Variants in VPS53 observed in about 807,000 individuals in gnomAD.
VPS53 encodes the protein VPS53 subunit of GARP complex.
VPS53 carries 70 observed loss-of-function variants against 107.0 expected under a neutral mutation model. That is an observed-to-expected ratio of 0.65 (90% CI 0.54 to 0.80). The LOEUF (loss-of-function observed/expected upper bound fraction) is 0.80. VPS53 is among the 30% of genes least tolerant of loss of function. The pLI is 0.00. For missense variants in VPS53, 917 were observed against 1,049.4 expected (o/e 0.87, Z 1.74); for synonymous variants, 409 against 393.3 (o/e 1.04, Z -0.47).
At chr17:657,451 TG>T in intron 5 of VPS53, 2 of 1,085,362 alleles carry the variant, frequency 1.8e-6, no homozygotes, top group Non-Finnish European at 2.9e-6. Context: ...TGGGGACTGG[TG>T]GACGGACGAG....
intron 11 of VPS53, chr17:616,745 A>ATT (rs1969155466): frequency 2.0e-5 from 3 of 152,332 alleles, no homozygotes; most frequent in Non-Finnish European, 2.9e-5. Flanking sequence ...TGCAAACTTG[A>ATT]GTAAGCTCCT....
intron 5 of VPS53, among the ~76,000 whole-genome samples, chr17:658,908 A>G (rs1971328302): frequency 6.6e-6 from 1 of 152,176 alleles, no homozygotes; most frequent in Non-Finnish European, 1.5e-5. Context: ...CGACCTGCAC[A>G]GCTCAATTCC....
At chr17:707,930 G>A (rs970339189) in intron 2 of VPS53, among the ~76,000 whole-genome samples, 1 of 151,748 alleles carries the variant, frequency 6.6e-6, no homozygotes, top group African/African-American at 2.4e-5. Flanking sequence ...GATAAGCCTA[G>A]AGGACAGAGA....
chr17:595,155 C>G (rs113817624), intron 12 of VPS53, among the ~76,000 whole-genome samples: 14 of 84,090 alleles, frequency 1.7e-4, no homozygotes, highest in South Asian at 5.3e-4. Flanking sequence ...CCAATTTCCT[C>G]GTTTGATGAT....
At chr17:641,772 T>C (rs1283204835) in intron 7 of VPS53, among the ~76,000 whole-genome samples, 1 of 152,226 alleles carries the variant, frequency 6.6e-6, no homozygotes, top group Non-Finnish European at 1.5e-5. Context: ...TAGCCATTCT[T>C]GTGAAAGTCC....
At chr17:694,170 CCTTT>C (rs1367511436) in intron 4 of VPS53, among the ~76,000 whole-genome samples, 4 of 152,180 alleles carry the variant, frequency 2.6e-5, no homozygotes, top group African/African-American at 9.7e-5. Context: ...TTCTGGGCTT[CCTTT>C]CTGTCTGGAT....
At chr17:667,494 TG>T (rs372374469) in intron 4 of VPS53, among the ~76,000 whole-genome samples, 1,669 of 100,660 alleles carry the variant, frequency 0.017, 92 homozygotes, top group African/African-American at 0.071. Flanking sequence ...CATAATGTTC[TG>T]GGGGGGGCAA....
chr17:571,487 T>TCTCCCTCTCCCTACAG (rs1555554562), intron 13 of VPS53, among the ~76,000 whole-genome samples: 1 of 119,726 alleles, frequency 8.4e-6, no homozygotes, highest in Non-Finnish European at 2.0e-5. Context: ...CTCCCTCTCC[T>TCTCCCTCTCCCTACAG]TCTCCCTCTC....
chr17:671,934 A>G (rs1310317094), intron 4 of VPS53, among the ~76,000 whole-genome samples: 3 of 151,900 alleles, frequency 2.0e-5, no homozygotes, highest in African/African-American at 7.3e-5. Context: ...TGACCCGCTT[A>G]CCTCGGCCTC....
Position 564,747 on chromosome 17 carries a change from T to TATG in VPS53, c.1314-2005_1314-2003dup, listed in dbSNP as rs572302291. ...AAAAAAAACAAAAACCAAAACAGGG[T>TATG]ATGAGCAGCTCCAGACTTGCCTCAG... On this transcript the variant is annotated intron_variant, in intron 13 of 21. Transcript: ENST00000437048. 8.1e-3 allele frequency among the ~76,000 whole-genome samples: 1,231 copies of TATG among 151,322 alleles called. 9 individuals are homozygous for TATG. Among genetic ancestry groups the TATG allele is most frequent in the Non-Finnish European group, 0.012 (790 of 67,836 alleles).
intron 12 of VPS53, among the ~76,000 whole-genome samples, chr17:590,498 G>A (rs559367764): frequency 6.6e-6 from 1 of 152,010 alleles, no homozygotes; most frequent in East Asian, 1.9e-4. Context: ...CATTCAGTAT[G>A]ATATTGGCTG....
chr17:647,951 T>A (rs1220570255), intron 7 of VPS53, among the ~76,000 whole-genome samples: 1 of 152,208 alleles, frequency 6.6e-6, no homozygotes, highest in East Asian at 1.9e-4. Context: ...GGGGCCGCTG[T>A]CCGTGTCTGC....
At chr17:685,287 C>A (rs1488603777) in intron 4 of VPS53, 2 of 152,162 alleles carry the variant, frequency 1.3e-5, no homozygotes, top group Non-Finnish European at 2.9e-5. Context: ...CATTACAATA[C>A]GGCATCCAAA....
rs181019840 is a variant in VPS53, at chr17:547,542, G to A, written c.1866+4330C>T. On this transcript the variant is annotated intron_variant, in intron 17 of 21. Coordinates refer to ENST00000437048, the MANE Select transcript of VPS53 (RefSeq NM_001128159.3). ...ATGTAGAATGACTGCTGAGAGGTAC[G>A]GGGTTTCTTTTTGGGGTAATGAAGA... 6.6e-5 allele frequency among the ~76,000 whole-genome samples: 10 copies of A among 152,318 alleles called. No homozygotes were observed. In the East Asian group the frequency reaches 1.7e-3, roughly 26 times the overall value.
intron 13 of VPS53, among the ~76,000 whole-genome samples, chr17:565,620 A>G (rs1205885193): frequency 1.3e-5 from 2 of 151,518 alleles, no homozygotes; most frequent in Admixed American, 6.6e-5. Context: ...TTCCCACTGA[A>G]TCTCCCACCT....
intron 17 of VPS53, among the ~76,000 whole-genome samples, chr17:547,660 TAG>T (rs1911338594): frequency 6.6e-6 from 1 of 152,026 alleles, no homozygotes; most frequent in Non-Finnish European, 1.5e-5. Flanking sequence ...ATTTATAAAA[TAG>T]AGTCTCACTC....
At chr17:583,138 G>T (rs1967133332) in intron 13 of VPS53, among the ~76,000 whole-genome samples, 1 of 150,168 alleles carries the variant, frequency 6.7e-6, no homozygotes, top group Non-Finnish European at 1.5e-5. Flanking sequence ...CGTTCCCAGA[G>T]AATCTCCCTC....
chr17:621,882 G>A (rs1015064197), intron 11 of VPS53, among the ~76,000 whole-genome samples: 1 of 151,934 alleles, frequency 6.6e-6, no homozygotes, highest in Non-Finnish European at 1.5e-5. Context: ...CATGGCTTTT[G>A]GGTTTTATGT....
rs1376708709 is a variant in VPS53 at position 520,808 on chromosome 17, CT to C, written c.2223+792del. On this transcript the variant is annotated intron_variant, in intron 20 of 21. Coordinates refer to ENST00000437048, the MANE Select transcript of VPS53 (RefSeq NM_001128159.3). The surrounding 1 kb of genome is among the most constrained non-coding windows in gnomAD (Gnocchi z 4.4). ...AGCTCTTCACCCTCACCTACATGAG[CT>C]GCTTCACCCTCACCTACATGAGCTG... is the stretch of plus-strand genomic sequence containing the variant. Among the ~76,000 whole-genome samples, 1 of 151,966 alleles carries C rather than the reference CT, an allele frequency of 6.6e-6. No homozygotes were observed. Among genetic ancestry groups the C allele is most frequent in the Non-Finnish European group, 1.5e-5 (1 of 67,922 alleles).
Sources: gnomAD v4.1 joint callset for allele counts (sites outside exome capture counted in the v4.1 genomes callset) on GRCh38, gnomAD v4.1.1 for gene constraint, Gnocchi (gnomAD v3.1) non-coding constraint, MANE v1.5 for transcripts, NCBI Gene and HGNC (gene_info 2026-07-23, HGNC 2026-07-21) for gene names.